FBXL5: variants seen among roughly 807,000 people sequenced by gnomAD.
The protein encoded by FBXL5 is F-box and leucine rich repeat protein 5, also known as F-box/LRR-repeat protein 5.
A neutral mutation model predicts 78.3 loss-of-function variants in FBXL5; 26 were observed. The observed-to-expected ratio is 0.33, with a 90% CI of 0.24 to 0.46. The LOEUF is 0.46. Among genes scored for constraint, FBXL5 ranks in the 20% least tolerant of loss-of-function variants. The pLI is 1.00. For synonymous variants in FBXL5, 295 were observed against 282.5 expected (o/e 1.04, Z -0.45); for missense variants, 710 against 829.2 (o/e 0.86, Z 1.77).
At chr4:15,652,232 T>C (rs1260995752) in intron 1 of FBXL5, among the ~76,000 whole-genome samples, 4 of 152,154 alleles carry the variant, frequency 2.6e-5, no homozygotes, top group Non-Finnish European at 5.9e-5. Context: ...GAAAGGTCAG[T>C]GAATTAGCAG....
At chr4:15,654,349 ATT>A (rs1716549660) in intron 1 of FBXL5, among the ~76,000 whole-genome samples, 1 of 152,210 alleles carries the variant, frequency 6.6e-6, no homozygotes, top group Non-Finnish European at 1.5e-5. Context: ...GAATGTTAAT[ATT>A]GTTTTAAAAT....
chr4:15,615,668 G>C (rs977373759), intron 9 of FBXL5, among the ~76,000 whole-genome samples: 3 of 150,102 alleles, frequency 2.0e-5, no homozygotes, highest in Admixed American at 1.3e-4. Context: ...TGCTCTGGTG[G>C]GGCCTTGGAG....
chr4:15,630,877 T>A, intron 5 of FBXL5, 86 bp from the exon 6 acceptor site: 1 of 1,536,494 alleles, frequency 6.5e-7, no homozygotes, highest in Non-Finnish European at 8.8e-7. Flanking sequence ...ACGATAAAAA[T>A]CTCTACAAAG....
chr4:15,655,275 G>C lies in FBXL5; in HGVS notation c.13C>G (p.Pro5Ala). The change falls in exon 1 of 11, where the codon CCT becomes GCT. Residue 5 changes from proline to alanine, a missense_variant. Around this residue, in one of 4 missense-constraint regions of FBXL5, gnomAD observed 132 missense variants for 156.9 expected, o/e 0.84. Transcript: ENST00000341285. ...GCGGTGAAGACGTCCACTTCTTCAG[G>C]AAAGGGCGCCATCGCCACTGCCTCA... MAPF[P>A]EEVDVFTAPH... is the part of the protein sequence containing the mutation. 1 of 1,431,648 alleles carries C rather than the reference G, an allele frequency of 7.0e-7. No homozygotes were observed. 88.7% of individuals were successfully genotyped at this position (1,431,648 alleles called of 1,614,324 possible). A position where few individuals can be genotyped will look rare whatever the true frequency, so the allele number is the denominator to read the frequency against.
chr4:15,622,906 C>T (rs1712629788), intron 9 of FBXL5, among the ~76,000 whole-genome samples: 3 of 152,300 alleles, frequency 2.0e-5, no homozygotes. Flanking sequence ...CACATGCAAG[C>T]TCTTCACTAC....
At position 15,615,380 on chromosome 4, in the gene FBXL5, A is replaced by C. The variant is rs542017322; in HGVS notation, c.1851-2966T>G. ...CTGGGTGAAGCCAGCTGGGCTCCTG[A>C]GTCTGGTGGGGACGTGGAGAGTCTT... On this transcript the variant is annotated intron_variant, in intron 9 of 10. Transcript: ENST00000341285. Among the ~76,000 whole-genome samples, 75 of 151,982 alleles carry C rather than the reference A, an allele frequency of 4.9e-4. No individual in the cohort carries two copies. In the South Asian group the frequency reaches 0.01, roughly 21 times the overall value.
chr4:15,646,853 T>C (rs1351934449), intron 1 of FBXL5, among the ~76,000 whole-genome samples: 3 of 151,982 alleles, frequency 2.0e-5, no homozygotes, highest in Non-Finnish European at 4.4e-5. Flanking sequence ...AGCTTCTAGA[T>C]ATTATTTTTT....
chr4:15,618,851 A>G (rs913708366), intron 9 of FBXL5, among the ~76,000 whole-genome samples: 1 of 151,982 alleles, frequency 6.6e-6, no homozygotes, highest in African/African-American at 2.4e-5. Flanking sequence ...AAAAAAGAAG[A>G]ATTAACATCA....
chr4:15,656,954 A>G (rs111864292), upstream of FBXL5, among the ~76,000 whole-genome samples: 1 of 152,316 alleles, frequency 6.6e-6, no homozygotes, highest in Admixed American at 6.5e-5. Context: ...CAGTACCCCC[A>G]GAGTCATTGC....
At chr4:15,620,852 C>T (rs554580917) in intron 9 of FBXL5, among the ~76,000 whole-genome samples, 3 of 152,344 alleles carry the variant, frequency 2.0e-5, no homozygotes, top group Admixed American at 2.0e-4. Flanking sequence ...CGATTTATGC[C>T]TTAAGGGCAT....
chr4:15,649,578 C>CAAAAAAAAAAAAA (rs34238482), intron 1 of FBXL5, among the ~76,000 whole-genome samples: 1 of 81,334 alleles, frequency 1.2e-5, no homozygotes, highest in African/African-American at 4.4e-5. Context: ...GACTACGTCT[C>CAAAAAAAAAAAAA]AAAAAAAAAA....
intron 3 of FBXL5, among the ~76,000 whole-genome samples, chr4:15,640,430 A>G (rs1714738498): frequency 1.3e-5 from 2 of 151,470 alleles, no homozygotes; most frequent in Admixed American, 6.6e-5. Flanking sequence ...ATCTTTAAAC[A>G]TAGCATGAAA....
chr4:15,634,458 C>A (rs190760309), intron 5 of FBXL5, among the ~76,000 whole-genome samples: 1 of 152,060 alleles, frequency 6.6e-6, no homozygotes, highest in Admixed American at 6.6e-5. Flanking sequence ...CTCTGCCTCC[C>A]GGGTTCAAGC....
At chr4:15,638,419 T>C in intron 4 of FBXL5, 89 bp downstream of exon 4, 1 of 957,706 alleles carries the variant, frequency 1.0e-6, no homozygotes, top group Non-Finnish European at 1.5e-6. Flanking sequence ...TAACTTGAAT[T>C]ATTCCTCAAC....
At chr4:15,611,097 T>C (rs924285222) in intron 10 of FBXL5, among the ~76,000 whole-genome samples, 2 of 152,094 alleles carry the variant, frequency 1.3e-5, no homozygotes, top group Non-Finnish European at 2.9e-5. Flanking sequence ...TATGATGACA[T>C]TCACTTTGGC....
At chr4:15,639,844 A>G (rs1004190001) in intron 3 of FBXL5, among the ~76,000 whole-genome samples, 2 of 152,214 alleles carry the variant, frequency 1.3e-5, no homozygotes, top group Non-Finnish European at 2.9e-5. Context: ...ATTTGATTAT[A>G]AGGTGAAGCT....
At chr4:15,632,749 T>C (rs1713811569) in intron 5 of FBXL5, among the ~76,000 whole-genome samples, 1 of 152,238 alleles carries the variant, frequency 6.6e-6, no homozygotes, top group Non-Finnish European at 1.5e-5. Context: ...TTTTGCACAT[T>C]GATTTTGTAT....
upstream of FBXL5, among the ~76,000 whole-genome samples, chr4:15,662,819 C>T (rs550439457): frequency 1.3e-5 from 2 of 152,198 alleles, no homozygotes; most frequent in African/African-American, 4.8e-5. Context: ...TGACAAGGAA[C>T]AGCAGAATAG....
intron 9 of FBXL5, among the ~76,000 whole-genome samples, chr4:15,618,579 G>A (rs1029639662): frequency 2.6e-5 from 4 of 152,188 alleles, no homozygotes; most frequent in Admixed American, 1.3e-4. Flanking sequence ...AGTGGCTCAC[G>A]CCTGCAATTC....
Sources: allele counts gnomAD v4.1 joint callset (sites outside exome capture counted in the v4.1 genomes callset), GRCh38; gene constraint gnomAD v4.1.1; regional missense constraint gnomAD v4.1.1; transcripts MANE v1.5; gene names NCBI Gene and HGNC (gene_info 2026-07-23, HGNC 2026-07-21).